ZNF705B: variants seen among roughly 807,000 people sequenced by gnomAD.
The protein encoded by ZNF705B is zinc finger protein 705B.
In ZNF705B, 1 loss-of-function variant was observed where a neutral mutation model predicts 10.5. The observed-to-expected ratio is 0.10, with a 90% CI of 0.03 to 0.45. The LOEUF is 0.45. Among genes scored for constraint, ZNF705B ranks in the 20% least tolerant of loss-of-function variants. The pLI is 0.97. For missense variants in ZNF705B, 14 were observed against 84.0 expected (o/e 0.17, Z 3.26); for synonymous variants, 4 against 25.4 (o/e 0.16, Z 2.53).
At chr8:7,933,929 CTT>C (rs1162997944) in intron 2 of ZNF705B, among the ~76,000 whole-genome samples, 1,820 of 28,650 alleles carry the variant, frequency 0.064, 7 homozygotes, top group South Asian at 0.13. Context: ...GTAATATAAA[CTT>C]TTTTTTTTTT....
At chr8:7,937,542 G>C (rs1440052331) in intron 2 of ZNF705B, among the ~76,000 whole-genome samples, 2 of 117,250 alleles carry the variant, frequency 1.7e-5, no homozygotes, top group Non-Finnish European at 4.0e-5. Context: ...TAAAAGCATT[G>C]ATTTTCTGGG....
At chr8:7,940,853 C>T (rs1272339347) in intron 2 of ZNF705B, among the ~76,000 whole-genome samples, 1 of 142,930 alleles carries the variant, frequency 7.0e-6, no homozygotes, top group African/African-American at 2.5e-5. Context: ...ACCTGCCTCC[C>T]AACAGGCCCC....
chr8:7,930,846 G>GTTTTTTTT (rs5889212), intron 2 of ZNF705B, among the ~76,000 whole-genome samples: 2 of 72,798 alleles, frequency 2.7e-5, no homozygotes. Context: ...TATTTTTTTT[G>GTTTTTTTT]TTTTTTTTTT....
intron 1 of ZNF705B, 103 bp from the exon 2 acceptor site, chr8:7,930,184 C>T (rs1369774872): frequency 4.2e-5 from 5 of 118,536 alleles, no homozygotes; most frequent in African/African-American, 1.3e-4. Flanking sequence ...TGTTTATGTC[C>T]ATGTCTGCTC....
chr8:7,933,963 C>T (rs1284003142), intron 2 of ZNF705B, among the ~76,000 whole-genome samples: 2 of 71,476 alleles, frequency 2.8e-5, no homozygotes, highest in African/African-American at 1.5e-4. Context: ...TTTTTTGAGA[C>T]AGTGTCTTAC....
At chr8:7,929,959 C>A (rs1819796505) in intron 1 of ZNF705B, among the ~76,000 whole-genome samples, 1 of 91,674 alleles carries the variant, frequency 1.1e-5, no homozygotes, top group Admixed American at 1.5e-4. Flanking sequence ...CAAAAAATAT[C>A]CATTTACTCT....
intron 2 of ZNF705B, among the ~76,000 whole-genome samples, chr8:7,935,675 T>C (rs1819993758): frequency 9.3e-6 from 1 of 107,662 alleles, no homozygotes; most frequent in Admixed American, 1.1e-4. Flanking sequence ...AGTGGATTGA[T>C]GTGAAGACCA....
Position 7,928,732 on chromosome 8 carries a change from C to T in ZNF705B, c.-221-1555C>T, listed in dbSNP as rs190033704. On this transcript the variant is annotated intron_variant, in intron 1 of 6. Transcript: ENST00000400120. The stretch of plus-strand genomic sequence containing the variant: ...ATGGTAAGAGCCTGCCTAGAATTAT[C>T]GCTTTTAACCAGGTAGCAAAAAAAA... 7.1e-3 allele frequency among the ~76,000 whole-genome samples: 387 copies of T among 54,450 alleles called. 4 individuals are homozygous for T. Among genetic ancestry groups the T allele is most frequent in the African/African-American group, 0.015 (369 of 24,318 alleles). 35.7% of individuals were successfully genotyped at this position (54,450 alleles called of 152,430 possible). A position where few individuals can be genotyped will look rare whatever the true frequency, so the allele number is the denominator to read the frequency against.
intron 2 of ZNF705B, among the ~76,000 whole-genome samples, chr8:7,930,891 C>G (rs1819827712): frequency 7.7e-6 from 1 of 129,734 alleles, no homozygotes; most frequent in Admixed American, 8.5e-5. Flanking sequence ...GAGTCTAGCT[C>G]TGTAGGCCAG....
chr8:7,932,703 C>T lies in ZNF705B; in HGVS notation c.-72+2267C>T, dbSNP rs556406754. 5.6e-3 allele frequency among the ~76,000 whole-genome samples: 671 copies of T among 119,696 alleles called. 53 individuals are homozygous for T. The highest frequency in any genetic ancestry group is 0.016 in the African/African-American group (625 of 39,448). 78.5% of individuals were successfully genotyped at this position (119,696 alleles called of 152,430 possible). A position where few individuals can be genotyped will look rare whatever the true frequency, so the allele number is the denominator to read the frequency against. On this transcript the variant is annotated intron_variant, in intron 2 of 6. Coordinates refer to ENST00000400120, the MANE Select transcript of ZNF705B (RefSeq NM_001193630.1). ...CAATGTTTTGAACTTTTTGAGATTT[C>T]GAGTAGTCCATGTGACATAACTTAA...
chr8:7,944,983 A>G (rs1470548188), intron 2 of ZNF705B, among the ~76,000 whole-genome samples: 11 of 35,764 alleles, frequency 3.1e-4, no homozygotes, highest in African/African-American at 4.5e-4. Context: ...AAAAAAAAAA[A>G]AGAGAGAGAG....
At position 7,937,198 on chromosome 8, in the gene ZNF705B, C is replaced by G. The variant is rs1239113568; in HGVS notation, c.-72+6762C>G. On this transcript the variant is annotated intron_variant, in intron 2 of 6. Coordinates refer to ENST00000400120, the MANE Select transcript of ZNF705B (RefSeq NM_001193630.1). Reference sequence around the variant, plus strand: ...AGTGAAGCAGATGATAGGGACAGCACTAAGGCTTGGTATTCTGAGCCTCAT... The same window carrying G: ...AGTGAAGCAGATGATAGGGACAGCAGTAAGGCTTGGTATTCTGAGCCTCAT... Among the ~76,000 whole-genome samples, 4 of 118,316 alleles carry G rather than the reference C, an allele frequency of 3.4e-5. 1 individual carries two copies. Among genetic ancestry groups the G allele is most frequent in the Non-Finnish European group, 8.0e-5 (4 of 49,758 alleles). 77.6% of individuals were successfully genotyped at this position (118,316 alleles called of 152,430 possible). A position where few individuals can be genotyped will look rare whatever the true frequency, so the allele number is the denominator to read the frequency against.
At chr8:7,930,587 A>G (rs201275346) in intron 2 of ZNF705B, among the ~76,000 whole-genome samples, 151 bp downstream of exon 2, 21,235 of 83,350 alleles carry the variant, frequency 0.25, 726 homozygotes, top group South Asian at 0.42. Flanking sequence ...AACAAATTTC[A>G]TTTTACAAAT....
At chr8:7,927,911 G>A (rs1346836385) in intron 1 of ZNF705B, among the ~76,000 whole-genome samples, 1 of 138,926 alleles carries the variant, frequency 7.2e-6, no homozygotes, top group South Asian at 2.5e-4. Context: ...GGTGACCACT[G>A]TTAGAGAGGT....
chr8:7,934,724 T>TGTGTGTGTGTG, intron 2 of ZNF705B: 1 of 78,136 alleles, frequency 1.3e-5, no homozygotes, highest in African/African-American at 1.1e-4. Flanking sequence ...GTGTGTGTTA[T>TGTGTGTGTGTG]TTGATTTCTT....
intron 1 of ZNF705B, among the ~76,000 whole-genome samples, chr8:7,929,786 A>G (rs1241757023): frequency 1.9e-5 from 2 of 105,810 alleles, no homozygotes; most frequent in East Asian, 5.5e-4. Flanking sequence ...AGGATGCTTT[A>G]TTTTATTTCT....
chr8:7,926,896 CTG>C (rs1819705582), intron 1 of ZNF705B, among the ~76,000 whole-genome samples: 1 of 111,596 alleles, frequency 9.0e-6, no homozygotes, highest in African/African-American at 2.6e-5. Flanking sequence ...GCAAGAAAGA[CTG>C]TAAAATAAGC....
rs1186131297 is a variant in ZNF705B, at chr8:7,928,533, A to G, written c.-221-1754A>G. 1.7e-5 allele frequency among the ~76,000 whole-genome samples: 2 copies of G among 119,158 alleles called. 1 individual carries two copies. Among genetic ancestry groups the G allele is most frequent in the Admixed American group, 1.9e-4 (2 of 10,310 alleles). The allele number at this position is 119,158 out of a possible 152,430, so 78.2% of individuals were successfully genotyped here. On this transcript the variant is annotated intron_variant, in intron 1 of 6. Transcript: ENST00000400120. ...AGAGAAGGAGAGAGATGTAGAAACA[A>G]TATAAAGCAACACAGATGTGGAGGG... is the stretch of plus-strand genomic sequence containing the variant.
Position 7,929,359 on chromosome 8 carries a change from G to T in ZNF705B, c.-221-928G>T, listed in dbSNP as rs1307502930. ...AAGAAATAAAAAATGTTTAAAGGGT[G>T]GTTTTCTTTATATTTCCAAAAGGAA... is the stretch of plus-strand genomic sequence containing the variant. On this transcript the variant is annotated intron_variant, in intron 1 of 6. Transcript: ENST00000400120. Among the ~76,000 whole-genome samples, 250 of 120,962 alleles carry T rather than the reference G, an allele frequency of 2.1e-3. 3 individuals are homozygous for T. The highest frequency in any genetic ancestry group is 6.0e-3 in the African/African-American group (239 of 39,742). The allele number at this position is 120,962 out of a possible 152,430, so 79.4% of individuals were successfully genotyped here. A position where few individuals can be genotyped will look rare whatever the true frequency, so the allele number is the denominator to read the frequency against.
Sources: allele counts gnomAD v4.1 joint callset (sites outside exome capture counted in the v4.1 genomes callset), GRCh38; gene constraint gnomAD v4.1.1; transcripts MANE v1.5; gene names NCBI Gene and HGNC (gene_info 2026-07-23, HGNC 2026-07-21).